Variants in PDE4B observed in about 807,000 individuals in gnomAD.
PDE4B encodes 3',5'-cyclic-AMP phosphodiesterase 4B.
Under a neutral mutation model 82.2 loss-of-function variants are expected in PDE4B, and 20 were observed. That is an observed-to-expected ratio of 0.24 (90% CI 0.17 to 0.35). PDE4B has a LOEUF of 0.35. Ranked by LOEUF, PDE4B falls within the 10% of genes least tolerant of loss-of-function variation. The probability of loss-of-function intolerance (pLI) is 1.00; values close to 1 mark genes in which losing one functional copy is unlikely to be tolerated. For synonymous variants in PDE4B, 320 were observed against 318.9 expected (o/e 1.00, Z -0.04); for missense variants, 655 against 907.2 (o/e 0.72, Z 3.57).
At chr1:65,852,826 C>A (rs922089009) in intron 1 of PDE4B, among the ~76,000 whole-genome samples, 8 of 151,928 alleles carry the variant, frequency 5.3e-5, no homozygotes, top group African/African-American at 1.9e-4. Flanking sequence ...TCTCTTGGTA[C>A]ACTTTTCATA....
At chr1:66,163,335 T>A (rs1646656035) in intron 3 of PDE4B, among the ~76,000 whole-genome samples, 2 of 152,206 alleles carry the variant, frequency 1.3e-5, no homozygotes, top group Non-Finnish European at 2.9e-5. Context: ...ATCTATTAAA[T>A]GAAGATAAGG....
intron 3 of PDE4B, among the ~76,000 whole-genome samples, chr1:66,203,699 C>T (rs2101545979): frequency 6.6e-6 from 1 of 152,312 alleles, no homozygotes; most frequent in South Asian, 2.1e-4. Flanking sequence ...TCAGCTCCAT[C>T]AGCTCCTTTA....
intron 3 of PDE4B, among the ~76,000 whole-genome samples, chr1:66,045,319 C>G (rs142824789): frequency 1.3e-5 from 2 of 151,312 alleles, no homozygotes; most frequent in African/African-American, 4.8e-5. Context: ...ACTTAGTCAC[C>G]AAATGTCTGT....
At chr1:66,284,597 G>A (rs1656534796) in intron 7 of PDE4B, among the ~76,000 whole-genome samples, 2 of 152,136 alleles carry the variant, frequency 1.3e-5, no homozygotes, top group South Asian at 4.1e-4. Flanking sequence ...GTTTGAAGCT[G>A]TAGTGCACCA....
chr1:65,821,578 C>T (rs1415919713), intron 1 of PDE4B, among the ~76,000 whole-genome samples: 4 of 152,174 alleles, frequency 2.6e-5, no homozygotes, highest in Non-Finnish European at 5.9e-5. Context: ...TTACTTGTGT[C>T]TTAAATCTAT....
intron 3 of PDE4B, among the ~76,000 whole-genome samples, chr1:66,103,247 A>T (rs140703296): frequency 1.8e-4 from 27 of 150,748 alleles, no homozygotes; most frequent in African/African-American, 6.6e-4. Flanking sequence ...GCCTCACGCA[A>T]ATTTATTTAC....
chr1:66,012,864 C>T (rs1652562538), intron 3 of PDE4B, among the ~76,000 whole-genome samples: 1 of 152,068 alleles, frequency 6.6e-6, no homozygotes, highest in African/African-American at 2.4e-5. Context: ...ACTTAAGTAA[C>T]ACTATATGTC....
intron 6 of PDE4B, among the ~76,000 whole-genome samples, chr1:66,258,688 A>G (rs1426930651): frequency 6.6e-6 from 1 of 152,200 alleles, no homozygotes; most frequent in Non-Finnish European, 1.5e-5. Flanking sequence ...TTAGAGACAC[A>G]GCAGGGCCAA....
chr1:65,908,902 T>C (rs553004012), intron 1 of PDE4B, among the ~76,000 whole-genome samples: 22 of 152,144 alleles, frequency 1.4e-4, no homozygotes, highest in Non-Finnish European at 2.4e-4. Flanking sequence ...TTTTCCCTCT[T>C]GTCATTAGTT....
chr1:65,958,305 T>A (rs955816684), intron 3 of PDE4B, among the ~76,000 whole-genome samples: 8 of 152,126 alleles, frequency 5.3e-5, no homozygotes, highest in African/African-American at 1.9e-4. Context: ...TGCCTTTTCC[T>A]TCCTAAAATA....
At chr1:65,869,693 C>A (rs146771359) in intron 1 of PDE4B, among the ~76,000 whole-genome samples, 284 of 152,134 alleles carry the variant, frequency 1.9e-3, no homozygotes, top group African/African-American at 6.3e-3. Flanking sequence ...GTAAAATTCA[C>A]CCCTTATAAT....
chr1:66,344,293 T>C (rs777808540), intron 8 of PDE4B, among the ~76,000 whole-genome samples: 9 of 152,214 alleles, frequency 5.9e-5, no homozygotes, highest in Non-Finnish European at 8.8e-5. Flanking sequence ...CAGGAACTGG[T>C]TGTGCAAAGT....
At chr1:66,216,904 T>C (rs1291147751) in intron 3 of PDE4B, among the ~76,000 whole-genome samples, 1 of 152,118 alleles carries the variant, frequency 6.6e-6, no homozygotes, top group Non-Finnish European at 1.5e-5. Context: ...TCAGCCTCAT[T>C]ACCTATGCAC....
chr1:66,164,272 T>TA (rs1646674879), intron 3 of PDE4B, among the ~76,000 whole-genome samples: 1 of 152,060 alleles, frequency 6.6e-6, no homozygotes, highest in African/African-American at 2.4e-5. Flanking sequence ...GCACAGTGGC[T>TA]TACACCTGTA....
chr1:65,835,026 A>G (rs1646124907), intron 1 of PDE4B, among the ~76,000 whole-genome samples: 1 of 152,240 alleles, frequency 6.6e-6, no homozygotes, highest in Non-Finnish European at 1.5e-5. Context: ...AAAGATACAG[A>G]ACATAACTTT....
chr1:66,030,153 T>G (rs976993800), intron 3 of PDE4B, among the ~76,000 whole-genome samples: 3 of 152,118 alleles, frequency 2.0e-5, no homozygotes, highest in Non-Finnish European at 1.5e-5. Context: ...TGAATCACAT[T>G]TATTTATTTG....
chr1:66,339,087 G>C (rs947488884), intron 8 of PDE4B, among the ~76,000 whole-genome samples: 1 of 151,380 alleles, frequency 6.6e-6, no homozygotes. Flanking sequence ...CAAATGATTT[G>C]GGCAATTTCA....
At chr1:65,884,693 T>G (rs576887293) in intron 1 of PDE4B, among the ~76,000 whole-genome samples, 1 of 152,298 alleles carries the variant, frequency 6.6e-6, no homozygotes, top group East Asian at 1.9e-4. Context: ...TCCTTACACC[T>G]TATACAAAAA....
chr1:66,220,865 A>G (rs1379082063), intron 3 of PDE4B, among the ~76,000 whole-genome samples: 1 of 152,128 alleles, frequency 6.6e-6, no homozygotes, highest in African/African-American at 2.4e-5. Flanking sequence ...TAAAGTTGAT[A>G]TCTTCATTTA....
Sources: gnomAD v4.1 joint callset for allele counts (sites outside exome capture counted in the v4.1 genomes callset) on GRCh38, gnomAD v4.1.1 for gene constraint, MANE v1.5 for transcripts, NCBI Gene and HGNC (gene_info 2026-07-23, HGNC 2026-07-21) for gene names.